Variants in CDC27 observed in about 807,000 individuals in gnomAD.
The protein encoded by CDC27 is cell division cycle 27, also known as cell division cycle protein 27 homolog.
In CDC27, 27 loss-of-function variants were observed where a neutral mutation model predicts 109.7. That is an observed-to-expected ratio of 0.25 (90% CI 0.18 to 0.34). The LOEUF (loss-of-function observed/expected upper bound fraction) is 0.34. Among genes scored for constraint, CDC27 ranks in the 10% least tolerant of loss-of-function variants. The probability of loss-of-function intolerance (pLI) is 1.00; values close to 1 mark genes in which losing one functional copy is unlikely to be tolerated. For synonymous variants in CDC27, 266 were observed against 333.9 expected (o/e 0.80, Z 2.22); for missense variants, 579 against 960.2 (o/e 0.60, Z 5.25).
chr17:47,129,429 G>A lies in CDC27; in HGVS notation c.2124C>T (p.His708=), dbSNP rs2062250059. ...CATTTGCAAATAAAACTGAGGCTCT[G>A]TGAAATTTGCATAGAGGGTTCTTGG... is the stretch of plus-strand genomic sequence containing the variant. ...IDPKNPLCKF[H]RASVLFANEK... is the part of the protein sequence containing the mutation. The change falls in exon 16 of 19, where the codon CAC becomes CAT. Residue 708 remains histidine, a synonymous_variant. Transcript: ENST00000066544. 1 of 1,611,494 alleles carries A rather than the reference G, an allele frequency of 6.2e-7. No individual in the cohort carries two copies. Among genetic ancestry groups the A allele is most frequent in the Non-Finnish European group, 8.5e-7 (1 of 1,177,824 alleles).
chr17:47,185,280 G>A (rs1047607889), intron 1 of CDC27, among the ~76,000 whole-genome samples: 32 of 152,032 alleles, frequency 2.1e-4, no homozygotes, highest in East Asian at 1.2e-3. Context: ...CTGGGTTCAC[G>A]CCATTCTCCT....
chr17:47,167,248 T>C (rs1396049548), intron 4 of CDC27, among the ~76,000 whole-genome samples: 2 of 152,254 alleles, frequency 1.3e-5, no homozygotes, highest in East Asian at 1.9e-4. Flanking sequence ...GCAACTTTTT[T>C]CAACAGAGTA....
In CDC27 at chr17:47,142,087, A is replaced by G. The variant is rs2148866284; in HGVS notation, c.1379-62T>C. On this transcript the variant is annotated intron_variant, in intron 11 of 18. Transcript: ENST00000066544. ...GCAATAAACTAGTCTGCTTCTCTAGAAAAGGTAATTACAAACTAATCTATT... is the reference window on the plus strand; with the variant it reads ...GCAATAAACTAGTCTGCTTCTCTAGGAAAGGTAATTACAAACTAATCTATT... 3 of 1,313,724 alleles carry G rather than the reference A, an allele frequency of 2.3e-6. No individual in the cohort carries two copies. In the East Asian group the frequency reaches 7.1e-5, roughly 31 times the overall value. The allele number at this position is 1,313,724 out of a possible 1,614,324, so 81.4% of individuals were successfully genotyped here. A position where few individuals can be genotyped will look rare whatever the true frequency, so the allele number is the denominator to read the frequency against.
At chr17:47,128,410 T>G (rs1407887417) in intron 16 of CDC27, among the ~76,000 whole-genome samples, 2 of 152,232 alleles carry the variant, frequency 1.3e-5, no homozygotes, top group African/African-American at 4.8e-5. Context: ...TTTTTGCCTC[T>G]TATCTCTTTC....
At chr17:47,130,196 C>A (rs908353081) in intron 15 of CDC27, among the ~76,000 whole-genome samples, 3 of 152,028 alleles carry the variant, frequency 2.0e-5, no homozygotes, top group African/African-American at 7.2e-5. Flanking sequence ...CCCATCTCTA[C>A]TAAAAATACA....
chr17:47,139,433 A>T (rs1042415059), intron 12 of CDC27, among the ~76,000 whole-genome samples: 2 of 150,704 alleles, frequency 1.3e-5, no homozygotes, highest in African/African-American at 2.4e-5. Flanking sequence ...CACCTGGCTA[A>T]TTTTTTGTAT....
At chr17:47,170,396 C>T (rs77618938) in intron 3 of CDC27, 3 of 154,966 alleles carry the variant, frequency 1.9e-5, no homozygotes, top group African/African-American at 7.2e-5. Flanking sequence ...CAGGGTCTCA[C>T]TATGTTGACC....
intron 8 of CDC27, among the ~76,000 whole-genome samples, chr17:47,152,355 C>T (rs1400823096): frequency 1.3e-5 from 2 of 152,050 alleles, no homozygotes; most frequent in Non-Finnish European, 2.9e-5. Context: ...ACTCCTTTGG[C>T]ACTTGGTAAC....
chr17:47,180,609 A>C (rs1259370588), intron 2 of CDC27, among the ~76,000 whole-genome samples: 2 of 140,936 alleles, frequency 1.4e-5, no homozygotes, highest in Admixed American at 7.2e-5. Context: ...GAAATGACTC[A>C]AAAAAAAAAA....
At chr17:47,125,031 C>A (rs1185455403) in intron 16 of CDC27, among the ~76,000 whole-genome samples, 1 of 151,778 alleles carries the variant, frequency 6.6e-6, no homozygotes, top group Non-Finnish European at 1.5e-5. Context: ...GATTCTCCTG[C>A]CTCAGCCTCT....
intron 2 of CDC27, among the ~76,000 whole-genome samples, chr17:47,180,802 T>C (rs1383645784): frequency 1.3e-5 from 2 of 152,012 alleles, no homozygotes; most frequent in Non-Finnish European, 2.9e-5. Flanking sequence ...GATTATTTTA[T>C]AGATGAAATA....
intron 3 of CDC27, 112 bp downstream of exon 3, chr17:47,171,805 A>G: frequency 1.5e-6 from 1 of 686,682 alleles, no homozygotes; most frequent in Non-Finnish European, 2.4e-6. Context: ...TGTTACTGAA[A>G]TAGATGGAAA....
chr17:47,149,077 C>CA (rs71138591), intron 9 of CDC27, among the ~76,000 whole-genome samples: 20,403 of 66,454 alleles, frequency 0.31, 2,123 homozygotes, highest in Non-Finnish European at 0.34. Context: ...GACTCTGTCT[C>CA]AAAAAAAAAA....
intron 4 of CDC27, chr17:47,159,499 C>T: frequency 1.9e-6 from 1 of 539,282 alleles, no homozygotes. Flanking sequence ...GGCGCACCAG[C>T]ACAGAGCCGC....
intron 12 of CDC27, among the ~76,000 whole-genome samples, chr17:47,141,302 TATA>T (rs1386635598): frequency 1.3e-5 from 2 of 152,152 alleles, no homozygotes; most frequent in Non-Finnish European, 2.9e-5. Context: ...TAAGGGGTAA[TATA>T]AATTGGGAAT....
Position 47,122,544 on chromosome 17 carries a change from CAT to C in CDC27, c.2290_2291del (p.Met764GlyfsTer5). The C allele has an allele frequency of 6.2e-7, 1 of 1,612,354 alleles. No individual in the cohort carries two copies. On this transcript the variant is annotated frameshift_variant, in exon 18 of 19. Transcript: ENST00000066544. LOFTEE classifies it high-confidence loss of function. ...TATTGGCTCCTTTAGGATCTAAATC[CAT>C]AGCCCAAGAGAAATTCATCAGGGCG... is the stretch of plus-strand genomic sequence containing the variant. ...HLALMNFSWA[M>X]DLDPKGANNQ...
chr17:47,168,445 T>G (rs1250327447), intron 4 of CDC27, among the ~76,000 whole-genome samples: 1 of 152,210 alleles, frequency 6.6e-6, no homozygotes, highest in Non-Finnish European at 1.5e-5. Flanking sequence ...TTACAAACTT[T>G]TGTTTACTGT....
chr17:47,133,470 G>A (rs1439316515), intron 14 of CDC27, among the ~76,000 whole-genome samples: 3 of 145,570 alleles, frequency 2.1e-5, no homozygotes, highest in African/African-American at 7.7e-5. Flanking sequence ...ACGGAGTTTC[G>A]CTCTTGTTGC....
chr17:47,166,598 A>C (rs567978995), intron 4 of CDC27, among the ~76,000 whole-genome samples: 1 of 151,786 alleles, frequency 6.6e-6, no homozygotes, highest in Admixed American at 6.6e-5. Flanking sequence ...AATTTCACTG[A>C]TTTCTACTTT....
Sources: allele counts gnomAD v4.1 joint callset (sites outside exome capture counted in the v4.1 genomes callset), GRCh38; gene constraint gnomAD v4.1.1; transcripts MANE v1.5; gene names NCBI Gene and HGNC (gene_info 2026-07-23, HGNC 2026-07-21).